The following ITPR1 variants were observed in gnomAD, a reference collection of about 807,000 sequenced individuals.
ITPR1 encodes the protein inositol 1,4,5-trisphosphate receptor type 1.
A neutral mutation model predicts 318.4 loss-of-function variants in ITPR1; 96 were observed. The ratio of observed to expected loss-of-function variants is 0.30; its 90% CI spans 0.26 to 0.36. The LOEUF is 0.36. Ranked by LOEUF, ITPR1 falls within the 10% of genes least tolerant of loss-of-function variation. ITPR1 has a pLI of 1.00. For synonymous variants in ITPR1, 1,312 were observed against 1,289.9 expected, an observed-to-expected ratio of 1.02 and a Z score of -0.37; for missense variants, 2,440 against 3,460.2, an observed-to-expected ratio of 0.71 and a Z score of 7.40.
chr3:4,594,123 A>C (rs2125071283), intron 4 of ITPR1, among the ~76,000 whole-genome samples: 1 of 152,240 alleles, frequency 6.6e-6, no homozygotes, highest in African/African-American at 2.4e-5. Context: ...GGGGAGATAC[A>C]AGTGAGAGAG....
chr3:4,531,033 C>T (rs2083373850), intron 4 of ITPR1, among the ~76,000 whole-genome samples: 1 of 152,144 alleles, frequency 6.6e-6, no homozygotes, highest in African/African-American at 2.4e-5. Flanking sequence ...TGCTTTTGTT[C>T]TTGACCGTTG....
At chr3:4,532,401 G>C (rs1218813984) in intron 4 of ITPR1, among the ~76,000 whole-genome samples, 1 of 152,064 alleles carries the variant, frequency 6.6e-6, no homozygotes, top group African/African-American at 2.4e-5. Context: ...GTCTTGCTCT[G>C]TAGCTCAGGC....
chr3:4,781,947 C>T (rs1396999173), intron 49 of ITPR1, among the ~76,000 whole-genome samples: 1 of 152,308 alleles, frequency 6.6e-6, no homozygotes, highest in East Asian at 1.9e-4. Flanking sequence ...TGTACCACTG[C>T]ACTCCAGCCT....
intron 61 of ITPR1, among the ~76,000 whole-genome samples, chr3:4,842,269 T>G (rs2051404873): frequency 1.3e-5 from 2 of 152,260 alleles, no homozygotes; most frequent in South Asian, 4.1e-4. Flanking sequence ...AATGCTGAAA[T>G]TCAAGCTAGT....
intron 4 of ITPR1, among the ~76,000 whole-genome samples, chr3:4,574,590 A>T (rs1393461769): frequency 6.6e-6 from 1 of 152,220 alleles, no homozygotes. Flanking sequence ...GATTAGAATC[A>T]TGTATAACGG....
intron 55 of ITPR1, among the ~76,000 whole-genome samples, chr3:4,807,875 C>T (rs2874878): frequency 0.028 from 4,286 of 152,260 alleles, 167 homozygotes; most frequent in African/African-American, 0.097. Context: ...CCTGTCCTCC[C>T]TTGGGAGGGC....
At chr3:4,770,641 G>A (rs139184087) in intron 46 of ITPR1, among the ~76,000 whole-genome samples, 1 of 152,258 alleles carries the variant, frequency 6.6e-6, no homozygotes, top group Admixed American at 6.5e-5. Flanking sequence ...CTTGATCCCT[G>A]TCGCCATCTG....
intron 12 of ITPR1, among the ~76,000 whole-genome samples, chr3:4,656,858 G>C (rs1409272554): frequency 6.6e-6 from 1 of 152,238 alleles, no homozygotes; most frequent in Non-Finnish European, 1.5e-5. Context: ...CATCCTGCAA[G>C]GATGTTAGAC....
At chr3:4,755,939 C>T (rs2044938344) in intron 44 of ITPR1, among the ~76,000 whole-genome samples, 1 of 152,178 alleles carries the variant, frequency 6.6e-6, no homozygotes, top group South Asian at 2.1e-4. Flanking sequence ...TATTTCTGAA[C>T]TCATTAAAGC....
intron 44 of ITPR1, among the ~76,000 whole-genome samples, chr3:4,765,924 C>G (rs977218219): frequency 6.6e-6 from 1 of 152,116 alleles, no homozygotes; most frequent in Non-Finnish European, 1.5e-5. Context: ...TGAAGATGAC[C>G]TTTTTCTTGA....
chr3:4,553,406 C>T (rs1284317942), intron 4 of ITPR1, among the ~76,000 whole-genome samples: 1 of 152,026 alleles, frequency 6.6e-6, no homozygotes, highest in Non-Finnish European at 1.5e-5. Flanking sequence ...TTGACTAAGA[C>T]ATTTGAAGTT....
intron 45 of ITPR1, 91 bp from the exon 46 acceptor site, chr3:4,768,420 A>T: frequency 7.2e-7 from 1 of 1,396,000 alleles, no homozygotes; most frequent in Non-Finnish European, 9.6e-7. Context: ...TAGGAGATAA[A>T]GGAATGTAGG....
chr3:4,571,045 C>T (rs1237194143), intron 4 of ITPR1, among the ~76,000 whole-genome samples: 1 of 152,198 alleles, frequency 6.6e-6, no homozygotes, highest in Non-Finnish European at 1.5e-5. Flanking sequence ...GCAGTTGTGG[C>T]AATGACAGTG....
chr3:4,687,186 G>T (rs1057094155), intron 30 of ITPR1, among the ~76,000 whole-genome samples: 1 of 152,212 alleles, frequency 6.6e-6, no homozygotes, highest in Non-Finnish European at 1.5e-5. Context: ...AGTCACATAA[G>T]TACCTACATA....
intron 20 of ITPR1, among the ~76,000 whole-genome samples, chr3:4,672,425 A>G (rs530671230): frequency 6.6e-6 from 1 of 152,352 alleles, no homozygotes; most frequent in South Asian, 2.1e-4. Flanking sequence ...ATTATTAGAA[A>G]TACATAGAGT....
At chr3:4,764,309 A>G (rs1452839475) in intron 44 of ITPR1, among the ~76,000 whole-genome samples, 6 of 152,224 alleles carry the variant, frequency 3.9e-5, no homozygotes, top group African/African-American at 1.4e-4. Flanking sequence ...ATGTCCACCA[A>G]ATATAAAAAG....
chr3:4,717,495 G>A (rs1035201842), intron 40 of ITPR1, 96 bp downstream of exon 40: 12 of 990,232 alleles, frequency 1.2e-5, no homozygotes, highest in Non-Finnish European at 1.6e-5. Context: ...TAGTCTCACA[G>A]CGTCGAGTAT....
intron 4 of ITPR1, among the ~76,000 whole-genome samples, chr3:4,564,145 A>G (rs1353107551): frequency 6.6e-6 from 1 of 152,018 alleles, no homozygotes; most frequent in Non-Finnish European, 1.5e-5. Flanking sequence ...TTCACCATGT[A>G]GGTCAGGCTG....
At chr3:4,767,287 T>G (rs1430653572) in intron 45 of ITPR1, among the ~76,000 whole-genome samples, 2 of 152,224 alleles carry the variant, frequency 1.3e-5, no homozygotes, top group Non-Finnish European at 2.9e-5. Context: ...GGCTGTCCTG[T>G]GCACTGTAAG....
Sources: gnomAD v4.1 joint callset for allele counts (sites outside exome capture counted in the v4.1 genomes callset) on GRCh38, gnomAD v4.1.1 for gene constraint, MANE v1.5 for transcripts, NCBI Gene and HGNC (gene_info 2026-07-23, HGNC 2026-07-21) for gene names.